Variants in PLAA observed in about 807,000 individuals in gnomAD.
PLAA encodes phospholipase A-2-activating protein.
Under a neutral mutation model 84.1 loss-of-function variants are expected in PLAA, and 48 were observed. The ratio of observed to expected loss-of-function variants is 0.57; its 90% CI spans 0.45 to 0.73. The LOEUF is 0.73. PLAA is among the 30% of genes least tolerant of loss of function. PLAA has a pLI of 0.00. For missense variants in PLAA, 903 were observed against 954.7 expected (o/e 0.95, Z 0.71); for synonymous variants, 392 against 336.6 (o/e 1.16, Z -1.80).
intron 2 of PLAA, among the ~76,000 whole-genome samples, chr9:26,928,924 A>G (rs1825072123): frequency 6.6e-6 from 1 of 152,220 alleles, no homozygotes; most frequent in South Asian, 2.1e-4. Context: ...TATGCCAGGC[A>G]CAGTGGCTCA....
intron 1 of PLAA, among the ~76,000 whole-genome samples, chr9:26,940,948 A>C (rs1021638275): frequency 3.3e-5 from 5 of 152,144 alleles, no homozygotes; most frequent in African/African-American, 1.2e-4. Context: ...TGTATTATGT[A>C]AACCACTAAA....
intron 2 of PLAA, among the ~76,000 whole-genome samples, chr9:26,932,153 A>T (rs1825206298): frequency 6.6e-6 from 1 of 152,210 alleles, no homozygotes; most frequent in African/African-American, 2.4e-5. Flanking sequence ...GTCAGAATTC[A>T]AATGAACTGT....
Position 26,936,906 on chromosome 9 carries a change from C to T in PLAA, c.150-1700G>A, listed in dbSNP as rs542374631. Among the ~76,000 whole-genome samples the T allele has an allele frequency of 5.3e-5, 8 of 152,162 alleles. No individual in the cohort carries two copies. The East Asian group carries it at 1.2e-3, about 22-fold the overall frequency. ...GTGTAATCCTAGCACTTTGGGAGGC[C>T]GAGGTGGGTAGATCACCTGAGGTCA... is the stretch of plus-strand genomic sequence containing the variant. On this transcript the variant is annotated intron_variant, in intron 1 of 13. Transcript: ENST00000397292.
At chr9:26,925,190 C>T (rs1378894356) in intron 6 of PLAA, among the ~76,000 whole-genome samples, 1 of 152,130 alleles carries the variant, frequency 6.6e-6, no homozygotes, top group Admixed American at 6.5e-5. Flanking sequence ...ACTTTCCTGT[C>T]CATTGTCACC....
intron 9 of PLAA, 49 bp downstream of exon 9, chr9:26,919,261 A>C: frequency 1.7e-6 from 2 of 1,163,918 alleles, no homozygotes. Context: ...CAAAAAAATC[A>C]ATCAACACTA....
intron 10 of PLAA, chr9:26,916,610 T>A: frequency 2.0e-6 from 2 of 989,096 alleles, no homozygotes; most frequent in Non-Finnish European, 2.4e-6. Context: ...CCATCCAATA[T>A]CAGGGCTCAC....
intron 1 of PLAA, among the ~76,000 whole-genome samples, chr9:26,939,798 GA>G (rs578117775): frequency 1.3e-5 from 2 of 151,914 alleles, no homozygotes; most frequent in Non-Finnish European, 2.9e-5. Flanking sequence ...AAGAAAACAA[GA>G]GACAAAGAAG....
At chr9:26,906,907 A>C (rs903523746) in intron 13 of PLAA, among the ~76,000 whole-genome samples, 2 of 152,022 alleles carry the variant, frequency 1.3e-5, no homozygotes, top group Admixed American at 1.3e-4. Context: ...AGTAGTATGC[A>C]TCATCATTTA....
intron 1 of PLAA, among the ~76,000 whole-genome samples, chr9:26,935,747 G>C (rs1210848814): frequency 1.3e-5 from 2 of 151,958 alleles, no homozygotes; most frequent in East Asian, 3.9e-4. Context: ...GAATTGTCTT[G>C]AGCCACGCAT....
At chr9:26,908,588 C>T (rs552842756) in intron 12 of PLAA, among the ~76,000 whole-genome samples, 81 of 152,212 alleles carry the variant, frequency 5.3e-4, no homozygotes, top group Middle Eastern at 3.4e-3. Flanking sequence ...GCCTCAGCCT[C>T]CCGAGTAGCT....
At chr9:26,908,356 C>CG (rs1045203947) in intron 12 of PLAA, among the ~76,000 whole-genome samples, 2 of 151,322 alleles carry the variant, frequency 1.3e-5, no homozygotes, top group African/African-American at 4.9e-5. Context: ...TTAGTAGAGA[C>CG]GGGGTTTCAC....
rs1343145107 is a variant in PLAA, at chr9:26,905,747, T to C, written c.2152A>G (p.Asn718Asp). The C allele has an allele frequency of 1.2e-6, 2 of 1,614,080 alleles. No individual in the cohort carries two copies. The highest frequency in any genetic ancestry group is 1.3e-5 in the African/African-American group (1 of 74,938). The change falls in exon 14 of 14, where the codon AAC (asparagine) becomes GAC (aspartate). Residue 718 changes from asparagine (N) to aspartate (D), a missense_variant. Physicochemically the swap from Asn to Asp is conservative, Grantham distance 23. Coordinates refer to ENST00000397292, the MANE Select transcript of PLAA (RefSeq NM_001031689.3). ...NYSVCFHKDH[N>D]IEGKAQCLSL... is the part of the protein sequence containing the mutation. ...AAACATTGGGCTTTCCCTTCAATGT[T>C]ATGGTCTTTATGAAAACAAACAGAA...
intron 11 of PLAA, among the ~76,000 whole-genome samples, chr9:26,912,980 C>T (rs909816311): frequency 2.0e-5 from 3 of 152,162 alleles, no homozygotes; most frequent in Admixed American, 6.6e-5. Context: ...CCCAACTACT[C>T]AGGAGGCTGA....
chr9:26,943,629 A>G (rs1032462545), intron 1 of PLAA, among the ~76,000 whole-genome samples: 1 of 152,132 alleles, frequency 6.6e-6, no homozygotes, highest in Non-Finnish European at 1.5e-5. Context: ...CCAAACATTT[A>G]TAGCATTTCA....
intron 6 of PLAA, among the ~76,000 whole-genome samples, chr9:26,924,256 G>C (rs182443840): frequency 6.6e-6 from 1 of 151,920 alleles, no homozygotes; most frequent in African/African-American, 2.4e-5. Context: ...TCAGTCTCCT[G>C]AGCAGCTGGG....
rs1281775165 is a variant in PLAA, at chr9:26,905,732, C to T, written c.2167G>A (p.Ala723Thr). Residue 723 changes from alanine to threonine, a missense_variant, in exon 14 of 14, where the codon GCC (alanine) becomes ACC (threonine). Physicochemically the swap from Ala to Thr is moderately conservative, Grantham distance 58 (BLOSUM62 0). Coordinates refer to ENST00000397292, the MANE Select transcript of PLAA (RefSeq NM_001031689.3). ...GTGCTAATTAGTGACAAACATTGGG[C>T]TTTCCCTTCAATGTTATGGTCTTTA... ...FHKDHNIEGK[A>T]QCLSLISTIL... 2 of 1,613,978 alleles carry T rather than the reference C, an allele frequency of 1.2e-6. No homozygotes were observed. Among genetic ancestry groups the T allele is most frequent in the Admixed American group, 1.7e-5 (1 of 60,024 alleles).
At chr9:26,938,380 T>C (rs1181092960) in intron 1 of PLAA, among the ~76,000 whole-genome samples, 1 of 151,832 alleles carries the variant, frequency 6.6e-6, no homozygotes, top group South Asian at 2.1e-4. Flanking sequence ...CGAAACCCCA[T>C]CTTGAAAAAT....
chr9:26,946,829 G>C (rs1028230768), intron 1 of PLAA, 68 bp downstream of exon 1: 10 of 1,480,744 alleles, frequency 6.8e-6, no homozygotes, highest in Non-Finnish European at 8.1e-6. Context: ...GACAGGGAAG[G>C]GTCACTCTCC....
At chr9:26,927,637 A>C (rs1825019740) in intron 4 of PLAA, among the ~76,000 whole-genome samples, 1 of 152,210 alleles carries the variant, frequency 6.6e-6, no homozygotes, top group African/African-American at 2.4e-5. Flanking sequence ...AAGAATACTC[A>C]CCATAAACCA....
Sources: allele counts gnomAD v4.1 joint callset (sites outside exome capture counted in the v4.1 genomes callset), GRCh38; gene constraint gnomAD v4.1.1; transcripts MANE v1.5; gene names NCBI Gene and HGNC (gene_info 2026-07-23, HGNC 2026-07-21).